FBXL7: variants seen among roughly 807,000 people sequenced by gnomAD.
FBXL7 encodes the protein F-box/LRR-repeat protein 7.
In FBXL7, 12 loss-of-function variants were observed where a neutral mutation model predicts 38.3. That is an observed-to-expected ratio of 0.31 (90% CI 0.20 to 0.51). The LOEUF is 0.51. Among genes scored for constraint, FBXL7 ranks in the 20% least tolerant of loss-of-function variants. The probability of loss-of-function intolerance (pLI) is 0.98; values close to 1 mark genes in which losing one functional copy is unlikely to be tolerated. For synonymous variants in FBXL7, 297 were observed against 300.9 expected (o/e 0.99, Z 0.13); for missense variants, 567 against 676.4 (o/e 0.84, Z 1.79).
At chr5:15,927,487 G>A (rs915213051) in intron 2 of FBXL7, among the ~76,000 whole-genome samples, 11 of 152,250 alleles carry the variant, frequency 7.2e-5, no homozygotes, top group Admixed American at 4.6e-4. Context: ...AGAAACAGGT[G>A]CTGGCCGGGC....
At chr5:15,641,072 C>T (rs191410334) in intron 2 of FBXL7, among the ~76,000 whole-genome samples, 6 of 152,138 alleles carry the variant, frequency 3.9e-5, no homozygotes, top group African/African-American at 1.2e-4. Flanking sequence ...GCTAATACAC[C>T]CCCAGAGTGA....
In FBXL7 at chr5:15,606,108, A is replaced by G. The variant is rs2126501680; in HGVS notation, c.38-9875A>G. On this transcript the variant is annotated intron_variant, in intron 1 of 3. Transcript: ENST00000504595. ...CATGTAACAGGGCATGGTTATTCTT[A>G]TGAAGGTTTCAGTTCATCCTTAGAA... 2.0e-5 allele frequency among the ~76,000 whole-genome samples: 3 copies of G among 152,324 alleles called. No individual in the cohort carries two copies. In the Middle Eastern group the frequency reaches 0.01, roughly 518 times the overall value.
At chr5:15,934,251 C>T (rs762467018) in intron 3 of FBXL7, among the ~76,000 whole-genome samples, 16 of 152,166 alleles carry the variant, frequency 1.1e-4, no homozygotes, top group Non-Finnish European at 1.9e-4. Flanking sequence ...GCAATCCACC[C>T]GCCTGGGCCT....
At chr5:15,886,020 C>G (rs763105731) in intron 2 of FBXL7, among the ~76,000 whole-genome samples, 2 of 152,014 alleles carry the variant, frequency 1.3e-5, no homozygotes, top group African/African-American at 2.4e-5. Flanking sequence ...TGTGCCCAGC[C>G]TAGTCACATT....
intron 2 of FBXL7, among the ~76,000 whole-genome samples, chr5:15,778,844 TC>T (rs1334003008): frequency 1.3e-5 from 2 of 152,092 alleles, no homozygotes; most frequent in Non-Finnish European, 2.9e-5. Context: ...TAAAAAATGA[TC>T]ATGAAATTGA....
At chr5:15,665,649 C>A (rs544053126) in intron 2 of FBXL7, among the ~76,000 whole-genome samples, 1 of 152,060 alleles carries the variant, frequency 6.6e-6, no homozygotes, top group Non-Finnish European at 1.5e-5. Context: ...TTTAAATTAG[C>A]CCAAAATAAA....
intron 1 of FBXL7, among the ~76,000 whole-genome samples, chr5:15,555,974 C>CATCCATCT (rs1738217439): frequency 7.1e-6 from 1 of 140,890 alleles, no homozygotes; most frequent in African/African-American, 2.7e-5. Flanking sequence ...ATCTGTCTAT[C>CATCCATCT]ATCTATCTAT....
chr5:15,673,066 C>T (rs1742534983), intron 2 of FBXL7, among the ~76,000 whole-genome samples: 2 of 152,064 alleles, frequency 1.3e-5, no homozygotes, highest in South Asian at 4.2e-4. Flanking sequence ...GTGGCTCACG[C>T]CTGTAATCCC....
At chr5:15,674,908 G>A (rs1488497178) in intron 2 of FBXL7, among the ~76,000 whole-genome samples, 1 of 152,082 alleles carries the variant, frequency 6.6e-6, no homozygotes, top group Non-Finnish European at 1.5e-5. Context: ...AAGATTCCAG[G>A]ACTGACCTCA....
At chr5:15,849,656 C>G (rs1338571644) in intron 2 of FBXL7, among the ~76,000 whole-genome samples, 1 of 152,176 alleles carries the variant, frequency 6.6e-6, no homozygotes, top group Non-Finnish European at 1.5e-5. Context: ...ACCTCTTTTT[C>G]TTTATAAATT....
At chr5:15,770,140 G>A (rs1046640180) in intron 2 of FBXL7, among the ~76,000 whole-genome samples, 7 of 152,158 alleles carry the variant, frequency 4.6e-5, no homozygotes, top group Non-Finnish European at 7.3e-5. Context: ...GCAGTATTTA[G>A]CGATTAAGTC....
At chr5:15,529,843 C>G (rs1737369036) in intron 1 of FBXL7, among the ~76,000 whole-genome samples, 1 of 152,152 alleles carries the variant, frequency 6.6e-6, no homozygotes, top group Non-Finnish European at 1.5e-5. Context: ...GTTGTATATA[C>G]TCTCGTTGCC....
chr5:15,578,726 T>C (rs950544141), intron 1 of FBXL7, among the ~76,000 whole-genome samples: 1 of 152,194 alleles, frequency 6.6e-6, no homozygotes, highest in Non-Finnish European at 1.5e-5. Flanking sequence ...TTCCAGTCCA[T>C]TCTGAAGCAA....
intron 2 of FBXL7, among the ~76,000 whole-genome samples, chr5:15,685,772 A>G (rs1742998069): frequency 6.6e-6 from 1 of 152,188 alleles, no homozygotes. Flanking sequence ...AGTTACCAGG[A>G]TTCAGTGAAA....
chr5:15,818,725 TGTGTGTGTGTGTGTGTGTGAGAGA>T (rs1167098323), intron 2 of FBXL7, among the ~76,000 whole-genome samples: 1 of 90,240 alleles, frequency 1.1e-5, no homozygotes, highest in Non-Finnish European at 2.7e-5. Flanking sequence ...TGTGTGTGTG[TGTGTGTGTGTGTGTGTGTGAGAGA>T]GAGAGAGATT....
intron 1 of FBXL7, among the ~76,000 whole-genome samples, chr5:15,510,419 G>T (rs1736763292): frequency 6.6e-6 from 1 of 152,160 alleles, no homozygotes; most frequent in Admixed American, 6.5e-5. Context: ...GAACCTTTTG[G>T]TTCTATTGAG....
Position 15,639,363 on chromosome 5 carries a change from T to C in FBXL7, c.127+23291T>C, listed in dbSNP as rs559733290. On this transcript the variant is annotated intron_variant, in intron 2 of 3. Transcript: ENST00000504595. ...GTGGGAGGGACTTGGCAGGAAATCA[T>C]TGAATCATGGGGGTGGGTCTTTCCC... Among the ~76,000 whole-genome samples the C allele has an allele frequency of 2.5e-3, 377 of 152,266 alleles. 1 individual carries two copies. The highest frequency in any genetic ancestry group is 8.5e-3 in the African/African-American group (353 of 41,546).
chr5:15,617,606 T>G (rs1580410277), intron 2 of FBXL7, among the ~76,000 whole-genome samples: 1 of 152,178 alleles, frequency 6.6e-6, no homozygotes, highest in African/African-American at 2.4e-5. Flanking sequence ...GCCCAGCTAA[T>G]TTTTGTACTT....
chr5:15,682,695 C>T (rs751029388), intron 2 of FBXL7, among the ~76,000 whole-genome samples: 5 of 152,116 alleles, frequency 3.3e-5, no homozygotes, highest in African/African-American at 1.2e-4. Flanking sequence ...AATGATAACA[C>T]ATTTCCTCAA....
Sources: gnomAD v4.1 joint callset for allele counts (sites outside exome capture counted in the v4.1 genomes callset) on GRCh38, gnomAD v4.1.1 for gene constraint, MANE v1.5 for transcripts, NCBI Gene and HGNC (gene_info 2026-07-23, HGNC 2026-07-21) for gene names.